The following ARHGAP32 variants were observed in gnomAD, a reference collection of about 807,000 sequenced individuals.
The protein encoded by ARHGAP32 is Rho GTPase activating protein 32, also known as rho GTPase-activating protein 32.
A neutral mutation model predicts 186.5 loss-of-function variants in ARHGAP32; 51 were observed. That is an observed-to-expected ratio of 0.27 (90% CI 0.22 to 0.35). The LOEUF (loss-of-function observed/expected upper bound fraction) is 0.35, where lower values mean the gene tolerates loss of function less well. ARHGAP32 is among the 10% of genes least tolerant of loss of function. The pLI is 1.00. For missense variants in ARHGAP32, 2,186 were observed against 2,623.5 expected (o/e 0.83, Z 3.64); for synonymous variants, 950 against 964.3 (o/e 0.99, Z 0.27).
intron 11 of ARHGAP32, among the ~76,000 whole-genome samples, chr11:129,028,166 C>T (rs561315150): frequency 1.1e-4 from 17 of 152,246 alleles, no homozygotes; most frequent in African/African-American, 3.4e-4. Flanking sequence ...AACAAAACCA[C>T]GCAGGTGGGG....
chr11:129,259,618 A>G (rs1565483241), intron 1 of ARHGAP32, among the ~76,000 whole-genome samples: 2 of 152,136 alleles, frequency 1.3e-5, no homozygotes, highest in Non-Finnish European at 2.9e-5. Flanking sequence ...CAGATATAGA[A>G]GCATTTTCCA....
intron 11 of ARHGAP32, among the ~76,000 whole-genome samples, chr11:129,036,067 T>C (rs1939320575): frequency 6.6e-6 from 1 of 152,026 alleles, no homozygotes; most frequent in Non-Finnish European, 1.5e-5. Context: ...CTACTTGAAG[T>C]GTCATTTCTC....
chr11:128,996,891 C>A (rs1048960673), intron 12 of ARHGAP32, among the ~76,000 whole-genome samples: 2 of 152,112 alleles, frequency 1.3e-5, no homozygotes, highest in African/African-American at 4.8e-5. Context: ...ATGATTCTCC[C>A]ACCTTGGCCT....
chr11:129,240,131 T>G (rs946086818), intron 1 of ARHGAP32, among the ~76,000 whole-genome samples: 4 of 151,964 alleles, frequency 2.6e-5, no homozygotes, highest in Non-Finnish European at 4.4e-5. Flanking sequence ...AACCTCCGCC[T>G]CCTGGGTTCA....
At chr11:129,195,438 C>T (rs2135566357), upstream of ARHGAP32, among the ~76,000 whole-genome samples, 1 of 152,258 alleles carries the variant, frequency 6.6e-6, no homozygotes, top group East Asian at 1.9e-4. Context: ...GTTAAATGTG[C>T]ACATCTTCCG....
At position 128,965,406 on chromosome 11, in the gene ARHGAP32, A is replaced by G. The variant is rs1476992724; in HGVS notation, c.*3501T>C. On this transcript the variant is annotated 3_prime_UTR_variant, in exon 23 of 23. Transcript: ENST00000682385. ...CTATATAAATTAAAATTAAAAACTC[A>G]AAAGTATGATCTAAGACTTCCTAGG... The G allele has an allele frequency of 6.6e-6, 1 of 152,228 alleles. No homozygotes were observed. The highest frequency in any genetic ancestry group is 1.5e-5 in the Non-Finnish European group (1 of 68,040). 9.4% of individuals were successfully genotyped at this position (152,228 alleles called of 1,614,324 possible).
chr11:129,196,034 G>C (rs1190801290), upstream of ARHGAP32, among the ~76,000 whole-genome samples: 1 of 152,186 alleles, frequency 6.6e-6, no homozygotes, highest in Non-Finnish European at 1.5e-5. Context: ...CAGTAATTTC[G>C]AACTAGCTGG....
chr11:129,263,018 G>C (rs1453419009), intron 1 of ARHGAP32, among the ~76,000 whole-genome samples: 1 of 152,056 alleles, frequency 6.6e-6, no homozygotes, highest in African/African-American at 2.4e-5. Flanking sequence ...TTCAACAAAC[G>C]GTTCTGAGAA....
chr11:129,043,224 C>T (rs1939666856), intron 10 of ARHGAP32, among the ~76,000 whole-genome samples: 1 of 152,132 alleles, frequency 6.6e-6, no homozygotes, highest in Non-Finnish European at 1.5e-5. Context: ...TAGTGCTCTC[C>T]AAGTCACATA....
intron 1 of ARHGAP32, among the ~76,000 whole-genome samples, chr11:129,259,723 T>C (rs1175030344): frequency 6.6e-6 from 1 of 152,196 alleles, no homozygotes; most frequent in East Asian, 1.9e-4. Flanking sequence ...ATGCATAAAA[T>C]GGCAGTAATT....
chr11:129,232,694 T>C (rs1157438890), intron 1 of ARHGAP32, among the ~76,000 whole-genome samples: 2 of 152,100 alleles, frequency 1.3e-5, no homozygotes, highest in African/African-American at 4.8e-5. Flanking sequence ...TTCATGCGGG[T>C]TGTTGGCTAA....
Position 128,969,142 on chromosome 11 carries a change from T to C in ARHGAP32, c.6071A>G (p.His2024Arg). Residue 2024 changes from histidine to arginine, a missense_variant, in exon 23 of 23, where the codon CAC becomes CGC. By Grantham distance (29) the His-to-Arg change is conservative. Coordinates refer to ENST00000682385, the MANE Select transcript of ARHGAP32 (RefSeq NM_001378024.1). The surrounding 1 kb of genome is among the most constrained non-coding windows in gnomAD (Gnocchi z 4.8). ...DPSVLYQYQP[H>R]GKRQSSVTVV... ...AGTCACACTGCTCTGGCGCTTGCCG[T>C]GTGGTTGGTACTGGTACAGCACACT... 2.5e-6 allele frequency: 4 copies of C among 1,607,964 alleles called. No individual in the cohort carries two copies. The highest frequency in any genetic ancestry group is 3.4e-6 in the Non-Finnish European group (4 of 1,175,698).
chr11:129,275,441 A>G (rs1002083066), intron 1 of ARHGAP32, among the ~76,000 whole-genome samples: 22 of 152,264 alleles, frequency 1.4e-4, no homozygotes, highest in Admixed American at 2.6e-4. Context: ...ATGTTTATAA[A>G]TATCATAGCT....
rs189184385 is a variant in ARHGAP32, at chr11:128,982,081, T to A, written c.1527-145A>T. 95 of 514,474 alleles carry A rather than the reference T, an allele frequency of 1.8e-4. No homozygotes were observed. In the East Asian group the frequency reaches 2.9e-3, roughly 16 times the overall value. The allele number at this position is 514,474 out of a possible 1,614,324, so 31.9% of individuals were successfully genotyped here. ...CCCAAGAGAACTTTTTTTTCCTGCT[T>A]AACAGGTTGAAATATTACTATTAGA... On this transcript the variant is annotated intron_variant, in intron 15 of 22. Coordinates refer to ENST00000682385, the MANE Select transcript of ARHGAP32 (RefSeq NM_001378024.1).
intron 1 of ARHGAP32, among the ~76,000 whole-genome samples, chr11:129,218,992 C>T (rs1208915846): frequency 1.3e-5 from 2 of 152,150 alleles, no homozygotes; most frequent in Non-Finnish European, 2.9e-5. Context: ...GAGCCACGGC[C>T]AACCCTTCAG....
chr11:129,057,266 TACTCATCAGAGAGACCCCA>T (rs1189104870), intron 10 of ARHGAP32, among the ~76,000 whole-genome samples: 1 of 152,056 alleles, frequency 6.6e-6, no homozygotes, highest in Non-Finnish European at 1.5e-5. Context: ...CCCTACTCCC[TACTCATCAGAGAGACCCCA>T]AGGAGAGTAC....
At chr11:129,113,814 T>C (rs937299996) in intron 5 of ARHGAP32, among the ~76,000 whole-genome samples, 2 of 152,072 alleles carry the variant, frequency 1.3e-5, no homozygotes, top group Non-Finnish European at 2.9e-5. Flanking sequence ...GAATTCGTCA[T>C]CTTTCCTCAC....
Position 128,969,722 on chromosome 11 carries a change from T to C in ARHGAP32, c.5491A>G (p.Lys1831Glu). Residue 1831 changes from lysine (K) to glutamate (E), a missense_variant, in exon 23 of 23, where the codon AAG (lysine) becomes GAG (glutamate). This residue lies in a region of ARHGAP32 where 1,502 missense variants were observed against 1,570.0 expected (regional missense o/e 0.96). Transcript: ENST00000682385. This position sits in a 1 kb window ranked among gnomAD's most constrained non-coding sequence, Gnocchi z 4.8. ...TCCTCTCCCTCGGGACTGATGGCCT[T>C]GGCTGCATGGCGGCTCTCCTTTCCT... ...AEGKESRHAA[K>E]AISPEGEDRF... The C allele has an allele frequency of 6.2e-7, 1 of 1,614,190 alleles. No homozygotes were observed. Among genetic ancestry groups the C allele is most frequent in the Non-Finnish European group, 8.5e-7 (1 of 1,180,036 alleles).
At chr11:129,066,554 C>T (rs181293886) in intron 7 of ARHGAP32, among the ~76,000 whole-genome samples, 177 bp downstream of exon 7, 1 of 152,034 alleles carries the variant, frequency 6.6e-6, no homozygotes, top group Admixed American at 6.6e-5. Flanking sequence ...CACACTGAAC[C>T]TACTTTCATT....
Sources: gnomAD v4.1 joint callset for allele counts (sites outside exome capture counted in the v4.1 genomes callset) on GRCh38, gnomAD v4.1.1 for gene constraint, gnomAD v4.1.1 regional missense constraint, Gnocchi (gnomAD v3.1) non-coding constraint, MANE v1.5 for transcripts, NCBI Gene and HGNC (gene_info 2026-07-23, HGNC 2026-07-21) for gene names.